Variants in CHRNE observed in about 807,000 individuals in gnomAD.
CHRNE encodes the protein cholinergic receptor nicotinic epsilon subunit.
Under a neutral mutation model 56.5 loss-of-function variants are expected in CHRNE, and 58 were observed. The observed-to-expected ratio is 1.03, with a 90% CI of 0.83 to 1.28. The LOEUF (loss-of-function observed/expected upper bound fraction) is 1.28, where lower values mean the gene tolerates loss of function less well. CHRNE is among the 50% of genes most tolerant of loss of function. The pLI is 0.00. For synonymous variants in CHRNE, 385 were observed against 297.9 expected (o/e 1.29, Z -3.01); for missense variants, 793 against 688.9 (o/e 1.15, Z -1.69).
Position 4,898,981 on chromosome 17 carries a change from G to A in CHRNE, c.1326+20C>T, listed in dbSNP as rs757760505. The A allele has an allele frequency of 8.7e-6, 13 of 1,500,560 alleles. No homozygotes were observed. The highest frequency in any genetic ancestry group is 2.8e-5 in the East Asian group (1 of 35,246). 93.0% of individuals were successfully genotyped at this position (1,500,560 alleles called of 1,614,324 possible). ...GGTGGGCCTCTGCCTCGCTCCACCC[G>A]CCTCTGGCTCCTGTCCCACCTCGCC... is the stretch of plus-strand genomic sequence containing the variant. On this transcript the variant is annotated intron_variant, in intron 11 of 11. Coordinates refer to ENST00000649488, the MANE Select transcript of CHRNE (RefSeq NM_000080.4).
chr17:4,902,616 C>T lies in CHRNE; in HGVS notation c.189+5G>A, dbSNP rs906477326. 5 of 1,613,962 alleles carry T rather than the reference C, an allele frequency of 3.1e-6. No individual in the cohort carries two copies. In the African/African-American group the frequency reaches 6.7e-5, roughly 22 times the overall value. ...TGGCTTAAGATGAGGGTGGGGGTAG[C>T]TTACCAGTGAGATGAGATTCGTCAG... is the stretch of plus-strand genomic sequence containing the variant. On this transcript the variant is annotated splice_donor_5th_base_variant and intron_variant, in intron 2 of 11. Coordinates refer to ENST00000649488, the MANE Select transcript of CHRNE (RefSeq NM_000080.4). The surrounding 1 kb of genome is among the most constrained non-coding windows in gnomAD (Gnocchi z 4.0).
At chr17:4,900,107 A>C in intron 8 of CHRNE, 3 of 1,550,784 alleles carry the variant, frequency 1.9e-6, no homozygotes, top group Non-Finnish European at 2.6e-6. Context: ...GAGAGAAGCC[A>C]CAGCCAGCCT....
Position 4,902,522 on chromosome 17 carries a change from AG to A in CHRNE, c.190-29del. 1 of 1,614,128 alleles carries A rather than the reference AG, an allele frequency of 6.2e-7. No homozygotes were observed. Among genetic ancestry groups the A allele is most frequent in the Non-Finnish European group, 8.5e-7 (1 of 1,180,012 alleles). The stretch of plus-strand genomic sequence containing the variant: ...GCAGATGGGAGATGGGGATGATTGA[AG>A]TGAGATTTCAGGGCCAGAAGTGAGC... On this transcript the variant is annotated intron_variant, in intron 2 of 11. Transcript: ENST00000649488. This position sits in a 1 kb window ranked among gnomAD's most constrained non-coding sequence, Gnocchi z 4.0.
chr17:4,902,942 C>T lies in CHRNE; in HGVS notation c.46+76G>A. The T allele has an allele frequency of 1.2e-6, 2 of 1,602,994 alleles. No individual in the cohort carries two copies. The highest frequency in any genetic ancestry group is 1.7e-6 in the Non-Finnish European group (2 of 1,170,128). ...ACTGTGTCTAAGTCTCCATCTTGGT[C>T]TCTGTCTTTGTCTTCCCAGTCCCTT... is the stretch of plus-strand genomic sequence containing the variant. On this transcript the variant is annotated intron_variant, in intron 1 of 11. Transcript: ENST00000649488. The surrounding 1 kb of genome is among the most constrained non-coding windows in gnomAD (Gnocchi z 4.0).
chr17:4,901,570 C>T lies in CHRNE; in HGVS notation c.556G>A (p.Gly186Ser), dbSNP rs764960076. ...ATGTCGATCTTGTTGATGGTCTTGC[C>T]GTCGTTGTCTACGGCAAAAGTGAAC... ...VEFTFAVDND[G>S]KTINKIDIDT... The change falls in exon 6 of 12, where the codon GGC becomes AGC. Residue 186 changes from glycine to serine, a missense_variant. Physicochemically the swap from Gly to Ser is moderately conservative, Grantham distance 56 (BLOSUM62 0). Transcript: ENST00000649488. 147 of 1,614,038 alleles carry T rather than the reference C, an allele frequency of 9.1e-5. 1 individual carries two copies. Among genetic ancestry groups the T allele is most frequent in the Admixed American group, 3.2e-4 (19 of 60,000 alleles).
At chr17:4,899,839 G>A (rs569156733) in intron 8 of CHRNE, 19 of 1,550,974 alleles carry the variant, frequency 1.2e-5, no homozygotes, top group South Asian at 8.3e-5. Context: ...GTGAGGCTAC[G>A]CCCGCCAAGG....
At position 4,902,143 on chromosome 17, in the gene CHRNE, C is replaced by A. The variant is rs941769058; in HGVS notation, c.345-56G>T. The A allele has an allele frequency of 6.2e-7, 1 of 1,613,938 alleles. No individual in the cohort carries two copies. Among genetic ancestry groups the A allele is most frequent in the Non-Finnish European group, 8.5e-7 (1 of 1,179,908 alleles). ...ACAGGTCTGCACCCTCTCAGAGTAC[C>A]CCCTTCCCCAACCAAGTCCAGCCCG... On this transcript the variant is annotated intron_variant, in intron 4 of 11. Transcript: ENST00000649488. This position sits in a 1 kb window ranked among gnomAD's most constrained non-coding sequence, Gnocchi z 4.0.
Position 4,901,632 on chromosome 17 carries a change from A to T in CHRNE, c.501-7T>A. 6.2e-7 allele frequency: 1 copy of T among 1,613,516 alleles called. No homozygotes were observed. The highest frequency in any genetic ancestry group is 8.5e-7 in the Non-Finnish European group (1 of 1,179,708). ...GGCATTGTACGTCTGAGAGCTGCGG[A>T]GCCAGGGCCGGGAGCCCACCCCAGA... On this transcript the variant is annotated splice_polypyrimidine_tract_variant and splice_region_variant and intron_variant, in intron 5 of 11. Transcript: ENST00000649488.
In CHRNE at chr17:4,898,152, G is replaced by GA. The variant is rs1969778661; in HGVS notation, c.*583dup. The GA allele has an allele frequency of 6.1e-6, 1 of 162,736 alleles. No individual in the cohort carries two copies. 10.1% of individuals were successfully genotyped at this position (162,736 alleles called of 1,614,324 possible). A position where few individuals can be genotyped will look rare whatever the true frequency, so the allele number is the denominator to read the frequency against. On this transcript the variant is annotated 3_prime_UTR_variant, in exon 12 of 12. Transcript: ENST00000649488. The stretch of plus-strand genomic sequence containing the variant: ...GGAAGAAAGGGGCAGGGTGGGCTGG[G>GA]ATCTGCAATGAGTGAGCCTCATGGG...
chr17:4,900,131 A>AC lies in CHRNE; in HGVS notation c.918-550dup, dbSNP rs758329067. The AC allele has an allele frequency of 1.5e-3, 2,249 of 1,550,376 alleles. 4 individuals carry two copies. Among genetic ancestry groups the AC allele is most frequent in the Non-Finnish European group, 1.4e-3 (1,601 of 1,146,808 alleles). On this transcript the variant is annotated intron_variant, in intron 8 of 11. Transcript: ENST00000649488. ...CACAGCCAGCCTCGTGAGCTTCGGCACCACCTTGTTAGAGGTGGGGTACTG... is the reference window on the plus strand; with the variant it reads ...CACAGCCAGCCTCGTGAGCTTCGGCACCCACCTTGTTAGAGGTGGGGTACTG...
In CHRNE at chr17:4,898,809, G is replaced by A; in HGVS notation, c.1409C>T (p.Ser470Phe). The A allele has an allele frequency of 3.1e-6, 5 of 1,605,686 alleles. No individual in the cohort carries two copies. The highest frequency in any genetic ancestry group is 2.2e-5 in the East Asian group (1 of 44,600). The stretch of plus-strand genomic sequence containing the variant: ...GTAGGCCCCGAGGAAGATGAGGCTG[G>A]AGCCCACGCTGAAGAGCACCAGAGC... ...WAALVLFSVG[S>F]SLIFLGAYFN... Residue 470 changes from serine to phenylalanine, a missense_variant, in exon 12 of 12, where the codon TCC (serine) becomes TTC (phenylalanine). By Grantham distance (155) the Ser-to-Phe change is radical. Transcript: ENST00000649488.
At chr17:4,906,966 C>G (rs1308598822), upstream of CHRNE, among the ~76,000 whole-genome samples, 2 of 152,066 alleles carry the variant, frequency 1.3e-5, no homozygotes, top group Non-Finnish European at 2.9e-5. Flanking sequence ...ATTGCATGTT[C>G]TCACTTATTT....
chr17:4,899,391 C>CAGGGGCGGGGCTT lies in CHRNE; in HGVS notation c.1033-20_1033-8dup, dbSNP rs1567636717. On this transcript the variant is annotated splice_polypyrimidine_tract_variant and splice_region_variant and intron_variant, in intron 9 of 11. Coordinates refer to ENST00000649488, the MANE Select transcript of CHRNE (RefSeq NM_000080.4). Reference sequence around the variant, plus strand: ...GCAGCAGCTCCAGGAGAACCTGGGGCAGGGGCGGGGCTTAGGGGACGAGGT... The same window carrying CAGGGGCGGGGCTT: ...GCAGCAGCTCCAGGAGAACCTGGGGCAGGGGCGGGGCTTAGGGGCGGGGCTTAGGGGACGAGGT... The CAGGGGCGGGGCTT allele has an allele frequency of 1.3e-6, 2 of 1,533,894 alleles. No homozygotes were observed. Among genetic ancestry groups the CAGGGGCGGGGCTT allele is most frequent in the South Asian group, 2.4e-5 (2 of 83,602 alleles).
chr17:4,901,097 T>C lies in CHRNE; in HGVS notation c.695A>G (p.Tyr232Cys). The change falls in exon 7 of 12, where the codon TAC becomes TGC. Residue 232 changes from tyrosine (Y) to cysteine (C), a missense_variant. Tyr to Cys is a radical substitution (Grantham distance 194). Coordinates refer to ENST00000649488, the MANE Select transcript of CHRNE (RefSeq NM_000080.4). ...CGGCTTCCGGCGGATGATGAGCGAG[T>C]AGATGACGTCAGTCTCCCCTGGGCC... Reference protein sequence around the residue: ...TDGPGETDVIYSLIIRRKPLF... With the variant: ...TDGPGETDVICSLIIRRKPLF... 6.2e-7 allele frequency: 1 copy of C among 1,613,228 alleles called. No individual in the cohort carries two copies. Among genetic ancestry groups the C allele is most frequent in the Non-Finnish European group, 8.5e-7 (1 of 1,179,844 alleles).
chr17:4,902,290 C>T lies in CHRNE; in HGVS notation c.271G>A (p.Asp91Asn), dbSNP rs1392419204. 1 of 1,614,180 alleles carries T rather than the reference C, an allele frequency of 6.2e-7. No homozygotes were observed. Among genetic ancestry groups the T allele is most frequent in the African/African-American group, 1.3e-5 (1 of 75,038 alleles). Residue 91 changes from aspartate to asparagine, a missense_variant, in exon 4 of 12, where the codon GAC becomes AAC. Asp to Asn is a conservative substitution (Grantham distance 23). Coordinates refer to ENST00000649488, the MANE Select transcript of CHRNE (RefSeq NM_000080.4). The surrounding 1 kb of genome is among the most constrained non-coding windows in gnomAD (Gnocchi z 4.0). ...QDYRLNYSKD[D>N]FGGIETLRVP... is the part of the protein sequence containing the mutation. ...CGCAGGGTTTCTATACCCCCAAAGT[C>T]GTCCTTGCTGTAGTTGAGTCGGTAA...
intron 6 of CHRNE, 68 bp from the exon 7 acceptor site, chr17:4,901,258 AGAG>A (rs1969976174): frequency 1.3e-6 from 2 of 1,548,216 alleles, no homozygotes; most frequent in African/African-American, 1.4e-5. Flanking sequence ...AGCGGGCTGA[AGAG>A]GAGGCTGCGG....
In CHRNE at chr17:4,898,481, G is replaced by A. The variant is rs1233605586; in HGVS notation, c.*255C>T. ...TTAGAAAGGCTGGGAGGTCAGCAAG[G>A]CTGAATGAAGGGCAGTCCTTGCTTT... On this transcript the variant is annotated 3_prime_UTR_variant, in exon 12 of 12. Coordinates refer to ENST00000649488, the MANE Select transcript of CHRNE (RefSeq NM_000080.4). 1 of 561,582 alleles carries A rather than the reference G, an allele frequency of 1.8e-6. No individual in the cohort carries two copies. The highest frequency in any genetic ancestry group is 3.2e-6 in the Non-Finnish European group (1 of 313,352). The allele number at this position is 561,582 out of a possible 1,614,324, so 34.8% of individuals were successfully genotyped here.
intron 6 of CHRNE, 45 bp from the exon 7 acceptor site, chr17:4,901,235 C>G: frequency 1.9e-6 from 3 of 1,585,268 alleles, no homozygotes; most frequent in Non-Finnish European, 2.6e-6. Context: ...AGCGGGGCGC[C>G]CGCCGAGCTG....
upstream of CHRNE, among the ~76,000 whole-genome samples, chr17:4,905,102 T>C (rs1970075011): frequency 6.6e-6 from 1 of 152,124 alleles, no homozygotes; most frequent in Admixed American, 6.6e-5. Flanking sequence ...CAGGGCCGAG[T>C]GCTACGGTTA....
Sources: gnomAD v4.1 joint callset for allele counts (sites outside exome capture counted in the v4.1 genomes callset) on GRCh38, gnomAD v4.1.1 for gene constraint, Gnocchi (gnomAD v3.1) non-coding constraint, MANE v1.5 for transcripts, NCBI Gene and HGNC (gene_info 2026-07-23, HGNC 2026-07-21) for gene names.